Variants in RBBP4 observed in about 807,000 individuals in gnomAD.
The protein encoded by RBBP4 is RB binding protein 4, chromatin remodeling factor.
In RBBP4, 3 loss-of-function variants were observed where a neutral mutation model predicts 57.2. The observed-to-expected ratio is 0.05, with a 90% CI of 0.02 to 0.14. The LOEUF (loss-of-function observed/expected upper bound fraction) is 0.14. Among genes scored for constraint, RBBP4 ranks in the 10% least tolerant of loss-of-function variants. RBBP4 has a pLI of 1.00. For missense variants in RBBP4, 107 were observed against 520.6 expected (o/e 0.21, Z 7.73); for synonymous variants, 151 against 171.5 (o/e 0.88, Z 0.93).
rs1436480015 is a variant in RBBP4 at position 32,679,822 on chromosome 1, C to T, written c.*117C>T. 1.4e-6 allele frequency: 2 copies of T among 1,468,136 alleles called. No individual in the cohort carries two copies. The highest frequency in any genetic ancestry group is 1.5e-5 in the African/African-American group (1 of 68,888). The allele number at this position is 1,468,136 out of a possible 1,614,324, so 90.9% of individuals were successfully genotyped here. ...AGCTATCCCTCTATATAATAGGTAC[C>T]ACCGATAATGCTATTAGCCCAAACC... On this transcript the variant is annotated 3_prime_UTR_variant, in exon 12 of 12. Coordinates refer to ENST00000373493, the MANE Select transcript of RBBP4 (RefSeq NM_005610.3).
At position 32,662,240 on chromosome 1, in the gene RBBP4, G is replaced by A. The variant is rs1444579214; in HGVS notation, c.310+4668G>A. On this transcript the variant is annotated intron_variant, in intron 3 of 11. Transcript: ENST00000373493. Reference sequence around the variant, plus strand: ...TTTTAACAAACAGTCTCTCTCTGTCGTCCAGGCTGAGTGCAGTGGTGCGAT... The same window carrying A: ...TTTTAACAAACAGTCTCTCTCTGTCATCCAGGCTGAGTGCAGTGGTGCGAT... 4 of 334,108 alleles carry A rather than the reference G, an allele frequency of 1.2e-5. No individual in the cohort carries two copies. In the East Asian group the frequency reaches 3.3e-4, roughly 28 times the overall value. 20.7% of individuals were successfully genotyped at this position (334,108 alleles called of 1,614,324 possible). A position where few individuals can be genotyped will look rare whatever the true frequency, so the allele number is the denominator to read the frequency against.
chr1:32,665,545 G>T (rs1355481387), intron 3 of RBBP4, among the ~76,000 whole-genome samples: 1 of 151,890 alleles, frequency 6.6e-6, no homozygotes, highest in Non-Finnish European at 1.5e-5. Context: ...GGGCGTCATG[G>T]CACATGGCTG....
intron 2 of RBBP4, among the ~76,000 whole-genome samples, chr1:32,656,586 AATT>A (rs1344455716): frequency 6.6e-6 from 1 of 152,094 alleles, no homozygotes; most frequent in African/African-American, 2.4e-5. Flanking sequence ...TCCTGACCTC[AATT>A]AATCCACCCT....
chr1:32,651,671 A>C lies in RBBP4; in HGVS notation c.17-243A>C, dbSNP rs945450015. The C allele has an allele frequency of 1.5e-5, 11 of 733,656 alleles. No individual in the cohort carries two copies. In the Admixed American group the frequency reaches 3.5e-4, roughly 23 times the overall value. 45.4% of individuals were successfully genotyped at this position (733,656 alleles called of 1,614,324 possible). ...GTCGGGCTTGTGAGTTTCGGCGCGC[A>C]CGAGCGTGCTCCGAAGGCCTGGCTG... On this transcript the variant is annotated intron_variant, in intron 1 of 11. Coordinates refer to ENST00000373493, the MANE Select transcript of RBBP4 (RefSeq NM_005610.3).
chr1:32,665,022 T>G (rs1461310345), intron 3 of RBBP4, among the ~76,000 whole-genome samples: 1 of 152,028 alleles, frequency 6.6e-6, no homozygotes, highest in African/African-American at 2.4e-5. Context: ...ACTGAACACA[T>G]GTTGGGAAAA....
intron 2 of RBBP4, among the ~76,000 whole-genome samples, chr1:32,654,412 G>A (rs188430059): frequency 2.6e-5 from 4 of 152,268 alleles, no homozygotes; most frequent in Admixed American, 2.6e-4. Flanking sequence ...TACTTAATGA[G>A]AAGTGTACTG....
intron 2 of RBBP4, among the ~76,000 whole-genome samples, chr1:32,653,060 C>T: frequency 6.6e-6 from 1 of 152,096 alleles, no homozygotes; most frequent in Non-Finnish European, 1.5e-5. Flanking sequence ...AAGATTAATC[C>T]TATGTTTCTT....
intron 3 of RBBP4, among the ~76,000 whole-genome samples, chr1:32,666,723 G>T (rs1363200885): frequency 6.6e-6 from 1 of 152,142 alleles, no homozygotes. Flanking sequence ...CGAGGCAAGA[G>T]ACTGAAGGCA....
chr1:32,672,436 A>G lies in RBBP4; in HGVS notation c.967-14A>G. ...AATTCATGGCTTTGCTCTTTTCTTC[A>G]TTCCTATGTGTAGGTTCAGTGGTCA... On this transcript the variant is annotated splice_polypyrimidine_tract_variant and intron_variant, in intron 8 of 11. Coordinates refer to ENST00000373493, the MANE Select transcript of RBBP4 (RefSeq NM_005610.3). The G allele has an allele frequency of 6.4e-7, 1 of 1,556,158 alleles. No individual in the cohort carries two copies. Among genetic ancestry groups the G allele is most frequent in the Non-Finnish European group, 8.8e-7 (1 of 1,141,390 alleles).
Position 32,680,776 on chromosome 1 carries a change from A to G in RBBP4, c.*1071A>G. On this transcript the variant is annotated 3_prime_UTR_variant, in exon 12 of 12. Coordinates refer to ENST00000373493, the MANE Select transcript of RBBP4 (RefSeq NM_005610.3). ...CTTTGACTATCAAGAGCAGAATTAA[A>G]TGTAATAGTCCCAGAGCTGTAGAAA... 2.0e-6 allele frequency: 1 copy of G among 490,204 alleles called. No homozygotes were observed. Among genetic ancestry groups the G allele is most frequent in the Non-Finnish European group, 3.7e-6 (1 of 272,884 alleles). 30.4% of individuals were successfully genotyped at this position (490,204 alleles called of 1,614,324 possible).
chr1:32,672,967 T>C (rs1648938625), intron 11 of RBBP4, 66 bp downstream of exon 11: 2 of 1,297,048 alleles, frequency 1.5e-6, no homozygotes, highest in East Asian at 2.4e-5. Context: ...TTTACATTTG[T>C]ATATTTTATG....
chr1:32,663,445 A>G (rs1648507994), intron 3 of RBBP4, among the ~76,000 whole-genome samples: 1 of 152,064 alleles, frequency 6.6e-6, no homozygotes, highest in African/African-American at 2.4e-5. Flanking sequence ...ATATTACTAT[A>G]TATGTATTTT....
chr1:32,675,286 T>C (rs913894875), intron 11 of RBBP4, among the ~76,000 whole-genome samples: 19 of 151,862 alleles, frequency 1.3e-4, no homozygotes, highest in Admixed American at 1.1e-3. Flanking sequence ...TCTGCCTGCC[T>C]CGGCCTCCCA....
rs1649473318 is a variant in RBBP4, at chr1:32,682,033, T to TG, written c.*2331dup. On this transcript the variant is annotated 3_prime_UTR_variant, in exon 12 of 12. Transcript: ENST00000373493. ...CAAATAGAATGAATGGTGATGGTGA[T>TG]GGGAGGGATAGTTAAACGTTTTCTC... 4.1e-5 allele frequency: 25 copies of TG among 605,922 alleles called. No homozygotes were observed. In the South Asian group the frequency reaches 4.9e-4, roughly 12 times the overall value. 37.5% of individuals were successfully genotyped at this position (605,922 alleles called of 1,614,324 possible).
rs1237962928 is a variant in RBBP4, at chr1:32,679,785, CAG to C, written c.*82_*83del. On this transcript the variant is annotated 3_prime_UTR_variant, in exon 12 of 12. Transcript: ENST00000373493. ...GAGTGATTTAACACTGGTTTTGAGA[CAG>C]ACTTTATTCAGCTATCCCTCTATAT... 1.9e-6 allele frequency: 3 copies of C among 1,582,804 alleles called. No individual in the cohort carries two copies. Among genetic ancestry groups the C allele is most frequent in the Non-Finnish European group, 8.6e-7 (1 of 1,167,240 alleles).
Position 32,669,015 on chromosome 1 carries a change from A to G in RBBP4, c.644A>G (p.Lys215Arg), listed in dbSNP as rs77147900. 1.2e-6 allele frequency: 2 copies of G among 1,614,106 alleles called. No homozygotes were observed. Among genetic ancestry groups the G allele is most frequent in the African/African-American group, 1.3e-5 (1 of 75,054 alleles). Residue 215 changes from lysine (K) to arginine (R), a missense_variant, in exon 6 of 12, where the codon AAA becomes AGA. Physicochemically the swap from Lys to Arg is conservative, Grantham distance 26. Transcript: ENST00000373493. The surrounding 1 kb of genome is among the most constrained non-coding windows in gnomAD (Gnocchi z 4.9). ...WDISAVPKEGKVVDAKTIFTG... is the reference protein window; with the variant it reads ...WDISAVPKEGRVVDAKTIFTG... ...ATCAGTGCCGTTCCAAAGGAGGGAAAAGTGGTAGATGCGAAGACCATCTTT... is the reference window on the plus strand; with the variant it reads ...ATCAGTGCCGTTCCAAAGGAGGGAAGAGTGGTAGATGCGAAGACCATCTTT...
intron 3 of RBBP4, among the ~76,000 whole-genome samples, chr1:32,659,419 G>A (rs556848271): frequency 7.2e-4 from 109 of 151,884 alleles, no homozygotes; most frequent in African/African-American, 2.6e-3. Flanking sequence ...AATTAGCCAT[G>A]TGCAGTGGCA....
chr1:32,678,148 AC>A (rs1417155519), intron 11 of RBBP4, among the ~76,000 whole-genome samples: 1 of 152,126 alleles, frequency 6.6e-6, no homozygotes, highest in Non-Finnish European at 1.5e-5. Flanking sequence ...TGAAAAAGAA[AC>A]CCTGTACCCA....
Position 32,666,868 on chromosome 1 carries a change from T to G in RBBP4, c.311-1357T>G, listed in dbSNP as rs1200506608. 2.0e-5 allele frequency among the ~76,000 whole-genome samples: 3 copies of G among 152,262 alleles called. No individual in the cohort carries two copies. The East Asian group carries it at 5.8e-4, about 29-fold the overall frequency. On this transcript the variant is annotated intron_variant, in intron 3 of 11. Coordinates refer to ENST00000373493, the MANE Select transcript of RBBP4 (RefSeq NM_005610.3). ...AATCATCAACTTTTAATATTACTCT[T>G]TGTTGTATTACTAATATAACCAAGG...
Sources: allele counts gnomAD v4.1 joint callset (sites outside exome capture counted in the v4.1 genomes callset), GRCh38; gene constraint gnomAD v4.1.1; non-coding constraint Gnocchi (gnomAD v3.1); transcripts MANE v1.5; gene names NCBI Gene and HGNC (gene_info 2026-07-23, HGNC 2026-07-21).